ZDHHC7: variants seen among roughly 807,000 people sequenced by gnomAD.
ZDHHC7 encodes the protein palmitoyltransferase ZDHHC7.
ZDHHC7 carries 12 observed loss-of-function variants against 34.1 expected under a neutral mutation model. That is an observed-to-expected ratio of 0.35 (90% confidence interval 0.23 to 0.57). ZDHHC7 has a LOEUF of 0.57. Ranked by LOEUF, ZDHHC7 falls within the 20% of genes least tolerant of loss-of-function variation. The probability of loss-of-function intolerance (pLI) is 0.84; values close to 1 mark genes in which losing one functional copy is unlikely to be tolerated. For synonymous variants in ZDHHC7, 185 were observed against 155.4 expected (o/e 1.19, Z -1.42); for missense variants, 388 against 402.7 (o/e 0.96, Z 0.31).
At chr16:85,011,802 T>TA (rs1435900877), upstream of ZDHHC7, among the ~76,000 whole-genome samples, 2 of 152,162 alleles carry the variant, frequency 1.3e-5, no homozygotes, top group African/African-American at 2.4e-5. Flanking sequence ...GGAATGCCCT[T>TA]AGCGGAGTGT....
intron 1 of ZDHHC7, among the ~76,000 whole-genome samples, chr16:84,999,766 T>A (rs1310036707): frequency 6.6e-6 from 1 of 152,106 alleles, no homozygotes; most frequent in Admixed American, 6.5e-5. Flanking sequence ...GCCTGTATCT[T>A]GAGAGGGAAG....
At chr16:85,004,740 T>C (rs2072696606) in intron 1 of ZDHHC7, among the ~76,000 whole-genome samples, 2 of 152,014 alleles carry the variant, frequency 1.3e-5, no homozygotes, top group Non-Finnish European at 2.9e-5. Context: ...GGAGGGTGCT[T>C]GAGGGAGACA....
Position 84,977,816 on chromosome 16 carries a change from GC to G in ZDHHC7, c.619+107del, listed in dbSNP as rs1236798443. 6.7e-5 allele frequency: 54 copies of G among 803,674 alleles called. 1 individual carries two copies. The Admixed American group carries it at 1.4e-3, about 21-fold the overall frequency. 49.8% of individuals were successfully genotyped at this position (803,674 alleles called of 1,614,324 possible). A position where few individuals can be genotyped will look rare whatever the true frequency, so the allele number is the denominator to read the frequency against. ...TTAAAATTCAATTGCTAAAATAATT[GC>G]AATGATTTCCTTCAAAATTGGAAAA... On this transcript the variant is annotated intron_variant, in intron 6 of 7. Transcript: ENST00000313732.
the ZDHHC7 span, among the ~76,000 whole-genome samples, chr16:85,027,049 A>C: frequency 1.3e-5 from 2 of 152,202 alleles, no homozygotes; most frequent in Non-Finnish European, 2.9e-5. Context: ...GAGGAGACAC[A>C]GAAGAAACTG....
At chr16:85,010,471 T>G (rs1284334736) in intron 1 of ZDHHC7, among the ~76,000 whole-genome samples, 1 of 152,164 alleles carries the variant, frequency 6.6e-6, no homozygotes, top group African/African-American at 2.4e-5. Flanking sequence ...CCCCTTGGGA[T>G]AGTAACAGTA....
At chr16:84,979,809 A>G (rs575480622) in intron 4 of ZDHHC7, among the ~76,000 whole-genome samples, 248 of 152,176 alleles carry the variant, frequency 1.6e-3, no homozygotes, top group South Asian at 0.014. Flanking sequence ...CTTTTGCCCA[A>G]AACACTCTGT....
At chr16:85,013,487 C>T (rs1284480252), upstream of ZDHHC7, among the ~76,000 whole-genome samples, 1 of 152,150 alleles carries the variant, frequency 6.6e-6, no homozygotes, top group Non-Finnish European at 1.5e-5. Flanking sequence ...AAGTGATCCA[C>T]CCACCTTGGC....
At chr16:84,978,026 G>A in intron 5 of ZDHHC7, 21 bp from the exon 6 acceptor site, 1 of 1,570,380 alleles carries the variant, frequency 6.4e-7, no homozygotes, top group Non-Finnish European at 8.7e-7. Flanking sequence ...GGGGAGATTG[G>A]TTAGTCACTT....
At chr16:84,992,391 T>C (rs2072522650) in intron 2 of ZDHHC7, among the ~76,000 whole-genome samples, 1 of 146,666 alleles carries the variant, frequency 6.8e-6, no homozygotes. Context: ...GAGAACTGCT[T>C]GAACCCGGGG....
Position 84,975,096 on chromosome 16 carries a change from T to C in ZDHHC7, c.*1247A>G, listed in dbSNP as rs1263210062. ...TAAGGCAAGGCCCCACGAGGGGAGC[T>C]GTTGGCTTTCTGGCATAATTTTAAG... On this transcript the variant is annotated 3_prime_UTR_variant, in exon 8 of 8. Transcript: ENST00000313732. 1 of 152,666 alleles carries C rather than the reference T, an allele frequency of 6.6e-6. No individual in the cohort carries two copies. Among genetic ancestry groups the C allele is most frequent in the Non-Finnish European group, 1.5e-5 (1 of 68,048 alleles). 9.5% of individuals were successfully genotyped at this position (152,666 alleles called of 1,614,324 possible). A position where few individuals can be genotyped will look rare whatever the true frequency, so the allele number is the denominator to read the frequency against.
intron 1 of ZDHHC7, among the ~76,000 whole-genome samples, chr16:85,005,165 AC>A (rs2143738801): frequency 6.6e-6 from 1 of 152,266 alleles, no homozygotes; most frequent in African/African-American, 2.4e-5. Flanking sequence ...AGAGTTCCAA[AC>A]CTCATTAAGC....
At chr16:85,024,298 C>G in the ZDHHC7 span, among the ~76,000 whole-genome samples, 1 of 140,822 alleles carries the variant, frequency 7.1e-6, no homozygotes, top group South Asian at 2.3e-4. Context: ...ATGGCACGAT[C>G]TCGGCTCACT....
At chr16:85,011,021 T>G (rs1192931854) in intron 1 of ZDHHC7, among the ~76,000 whole-genome samples, 1 of 152,074 alleles carries the variant, frequency 6.6e-6, no homozygotes, top group East Asian at 1.9e-4. Context: ...GAGAGCTGAG[T>G]GTCACGCCCA....
At chr16:85,001,801 C>G (rs938840567) in intron 1 of ZDHHC7, among the ~76,000 whole-genome samples, 4 of 152,084 alleles carry the variant, frequency 2.6e-5, no homozygotes, top group Admixed American at 2.6e-4. Context: ...CTCTTGAATT[C>G]CTGGACTCAA....
the ZDHHC7 span, among the ~76,000 whole-genome samples, chr16:85,026,644 G>A: frequency 1.3e-5 from 2 of 151,058 alleles, no homozygotes; most frequent in Admixed American, 6.6e-5. Context: ...CTTGATCATC[G>A]ATCCATATGT....
At chr16:85,027,622 C>T in the ZDHHC7 span, 3 of 152,190 alleles carry the variant, frequency 2.0e-5, no homozygotes, top group Non-Finnish European at 4.4e-5. Flanking sequence ...GGGCAGGCCT[C>T]GGGCCCCTCA....
chr16:85,023,463 C>G, the ZDHHC7 span, among the ~76,000 whole-genome samples: 1 of 152,010 alleles, frequency 6.6e-6, no homozygotes, highest in Non-Finnish European at 1.5e-5. Flanking sequence ...CCACACCTGG[C>G]CAATTGTGTT....
chr16:84,979,899 C>T (rs963310681), intron 4 of ZDHHC7, among the ~76,000 whole-genome samples: 3 of 150,480 alleles, frequency 2.0e-5, no homozygotes, highest in African/African-American at 7.3e-5. Flanking sequence ...ATCAAGCAGA[C>T]ATCGATGGCA....
chr16:84,987,839 C>T (rs1479646127), intron 3 of ZDHHC7, among the ~76,000 whole-genome samples: 1 of 152,184 alleles, frequency 6.6e-6, no homozygotes, highest in East Asian at 1.9e-4. Flanking sequence ...GAGAGCCAGG[C>T]ACAAAAGGCC....
Sources: gnomAD v4.1 joint callset for allele counts (sites outside exome capture counted in the v4.1 genomes callset) on GRCh38, gnomAD v4.1.1 for gene constraint, MANE v1.5 for transcripts, NCBI Gene and HGNC (gene_info 2026-07-23, HGNC 2026-07-21) for gene names.